The following LRP1B variants were observed in gnomAD, a reference collection of about 807,000 sequenced individuals.
LRP1B encodes LDL receptor related protein 1B.
In LRP1B, 217 loss-of-function variants were observed where a neutral mutation model predicts 556.6. The observed-to-expected ratio is 0.39, with a 90% CI of 0.35 to 0.44. LRP1B has a LOEUF of 0.44. Ranked by LOEUF, LRP1B falls within the 20% of genes least tolerant of loss-of-function variation. The pLI is 1.00. For synonymous variants in LRP1B, 2,047 were observed against 1,865.8 expected (o/e 1.10, Z -2.50); for missense variants, 5,053 against 5,620.8 (o/e 0.90, Z 3.23).
At chr2:140,617,876 T>A (rs1425332950) in intron 41 of LRP1B, among the ~76,000 whole-genome samples, 1 of 152,044 alleles carries the variant, frequency 6.6e-6, no homozygotes, top group African/African-American at 2.4e-5. Flanking sequence ...AGAACTTTCT[T>A]TCTATTCTTT....
intron 3 of LRP1B, among the ~76,000 whole-genome samples, chr2:141,455,211 T>C (rs1207438025): frequency 6.6e-6 from 1 of 151,738 alleles, no homozygotes; most frequent in East Asian, 1.9e-4. Context: ...ATGGAATGAA[T>C]CTGATGTCTA....
chr2:141,457,049 C>T (rs952194982), intron 3 of LRP1B, among the ~76,000 whole-genome samples: 1 of 152,172 alleles, frequency 6.6e-6, no homozygotes, highest in Non-Finnish European at 1.5e-5. Flanking sequence ...TGACGAAAAA[C>T]AACTTGTGTG....
chr2:141,581,329 C>T (rs1209134236), intron 2 of LRP1B, among the ~76,000 whole-genome samples: 1 of 152,176 alleles, frequency 6.6e-6, no homozygotes, highest in East Asian at 1.9e-4. Context: ...ACACTTTAAG[C>T]TCCCCAATGA....
At chr2:141,003,435 A>G (rs989701588) in intron 15 of LRP1B, among the ~76,000 whole-genome samples, 10 of 152,084 alleles carry the variant, frequency 6.6e-5, no homozygotes, top group Non-Finnish European at 1.5e-4. Context: ...CCAAATCTTG[A>G]ATTGTAACTC....
chr2:140,334,571 G>A lies in LRP1B; in HGVS notation c.12117-12C>T, dbSNP rs754382389. The A allele has an allele frequency of 2.5e-5, 36 of 1,468,736 alleles. No homozygotes were observed. The highest frequency in any genetic ancestry group is 4.4e-5 in the Admixed American group (2 of 45,880). The allele number at this position is 1,468,736 out of a possible 1,614,324, so 91.0% of individuals were successfully genotyped here. A position where few individuals can be genotyped will look rare whatever the true frequency, so the allele number is the denominator to read the frequency against. ...TCCAGTACATCATCCTGAAGAGAGC[G>A]GGTCAGAGAGGTTAGCCTGGTGATG... On this transcript the variant is annotated splice_polypyrimidine_tract_variant and intron_variant, in intron 78 of 90. Coordinates refer to ENST00000389484, the MANE Select transcript of LRP1B (RefSeq NM_018557.3).
intron 1 of LRP1B, among the ~76,000 whole-genome samples, chr2:141,927,494 G>A (rs1052680049): frequency 2.0e-5 from 3 of 151,938 alleles, no homozygotes; most frequent in Non-Finnish European, 4.4e-5. Flanking sequence ...TTATTATATG[G>A]TAGACATTCA....
At chr2:141,923,446 ATGTGTGTGTGTGTG>A (rs56356725) in intron 1 of LRP1B, among the ~76,000 whole-genome samples, 3 of 81,752 alleles carry the variant, frequency 3.7e-5, no homozygotes, top group South Asian at 5.3e-4. Context: ...TTATATATAT[ATGTGTGTGTGTGTG>A]TGTGTGTGTG....
chr2:140,646,461 C>G lies in LRP1B; in HGVS notation c.6800-44822G>C, dbSNP rs147774254. Among the ~76,000 whole-genome samples, 482 of 152,200 alleles carry G rather than the reference C, an allele frequency of 3.2e-3. 4 individuals are homozygous for G. Among genetic ancestry groups the G allele is most frequent in the African/African-American group, 0.011 (461 of 41,520 alleles). ...CTTAGTGGGTGAAAAAATTGAAGGT[C>G]AGGGAGTTAAATGACTTTTCTAAGA... On this transcript the variant is annotated intron_variant, in intron 41 of 90. Coordinates refer to ENST00000389484, the MANE Select transcript of LRP1B (RefSeq NM_018557.3).
At chr2:141,134,069 T>A (rs1347595683) in intron 7 of LRP1B, among the ~76,000 whole-genome samples, 1 of 151,814 alleles carries the variant, frequency 6.6e-6, no homozygotes, top group African/African-American at 2.4e-5. Context: ...ATGCACTCAG[T>A]CACTCACACA....
intron 1 of LRP1B, among the ~76,000 whole-genome samples, chr2:141,894,635 TTAGATCTAGATC>T (rs6146947): frequency 0.011 from 1,686 of 147,780 alleles, 32 homozygotes; most frequent in African/African-American, 0.038. Flanking sequence ...AATAGAATAT[TTAGATCTAGATC>T]TAGATCTAGA....
chr2:141,089,014 TATAG>T (rs1377960377), intron 7 of LRP1B, among the ~76,000 whole-genome samples: 2 of 152,182 alleles, frequency 1.3e-5, no homozygotes, highest in Admixed American at 6.5e-5. Context: ...TCATGACTTT[TATAG>T]ATAGTCTCAG....
chr2:141,267,002 T>C (rs1231371333), intron 3 of LRP1B, among the ~76,000 whole-genome samples: 1 of 152,218 alleles, frequency 6.6e-6, no homozygotes, highest in Non-Finnish European at 1.5e-5. Flanking sequence ...TGTGAGGTTC[T>C]CTTTTCAGAC....
chr2:140,728,140 T>G (rs1396421571), intron 35 of LRP1B, among the ~76,000 whole-genome samples: 1 of 115,172 alleles, frequency 8.7e-6, no homozygotes, highest in African/African-American at 3.2e-5. Context: ...GAATTTGCAT[T>G]AAACATTACT....
At chr2:141,187,217 T>C (rs1681300217) in intron 7 of LRP1B, among the ~76,000 whole-genome samples, 2 of 152,062 alleles carry the variant, frequency 1.3e-5, no homozygotes, top group African/African-American at 4.8e-5. Context: ...CAAATACAAA[T>C]AGAGCTACAT....
At chr2:140,686,182 T>G (rs1283025337) in intron 41 of LRP1B, among the ~76,000 whole-genome samples, 2 of 152,022 alleles carry the variant, frequency 1.3e-5, no homozygotes, top group Admixed American at 6.6e-5. Context: ...GGATTTAAGG[T>G]AGTAGGGAGA....
In LRP1B at chr2:141,283,618, CTT is replaced by C. The variant is rs751136016; in HGVS notation, c.344-28979_344-28978del. Among the ~76,000 whole-genome samples the C allele has an allele frequency of 2.5e-3, 306 of 123,896 alleles. 3 individuals carry two copies. The highest frequency in any genetic ancestry group is 8.2e-3 in the African/African-American group (272 of 33,300). The allele number at this position is 123,896 out of a possible 152,430, so 81.3% of individuals were successfully genotyped here. On this transcript the variant is annotated intron_variant, in intron 3 of 90. Coordinates refer to ENST00000389484, the MANE Select transcript of LRP1B (RefSeq NM_018557.3). ...GTGAGAGCACAGACAAAGAGACCCA[CTT>C]TTTTTTTTTTTTTTTTTTGAGACGC...
intron 2 of LRP1B, among the ~76,000 whole-genome samples, chr2:141,687,571 TAA>T (rs759299150): frequency 1.2e-3 from 175 of 152,154 alleles, no homozygotes; most frequent in Non-Finnish European, 2.2e-3. Context: ...GTCAGTTGAA[TAA>T]AAGTTTTGTT....
intron 10 of LRP1B, among the ~76,000 whole-genome samples, chr2:141,053,828 A>ACGTG (rs146312768): frequency 6.7e-6 from 1 of 150,130 alleles, no homozygotes; most frequent in Non-Finnish European, 1.5e-5. Flanking sequence ...GTGTGTATAT[A>ACGTG]TGTGTGTGTG....
chr2:140,646,771 G>A (rs1219880973), intron 41 of LRP1B, among the ~76,000 whole-genome samples: 1 of 151,476 alleles, frequency 6.6e-6, no homozygotes, highest in Admixed American at 6.6e-5. Flanking sequence ...ATCATTCCTA[G>A]ATATATATAT....
Sources: allele counts gnomAD v4.1 joint callset (sites outside exome capture counted in the v4.1 genomes callset), GRCh38; gene constraint gnomAD v4.1.1; transcripts MANE v1.5; gene names NCBI Gene and HGNC (gene_info 2026-07-23, HGNC 2026-07-21).